Variants in CAPRIN1 observed in about 807,000 individuals in gnomAD.
CAPRIN1 encodes the protein caprin-1.
CAPRIN1 carries 29 observed loss-of-function variants against 100.9 expected under a neutral mutation model. That is an observed-to-expected ratio of 0.29 (90% confidence interval 0.21 to 0.39). The LOEUF (loss-of-function observed/expected upper bound fraction) is 0.39, where lower values mean the gene tolerates loss of function less well. Among genes scored for constraint, CAPRIN1 ranks in the 10% least tolerant of loss-of-function variants. The probability of loss-of-function intolerance (pLI) is 1.00; values close to 1 mark genes in which losing one functional copy is unlikely to be tolerated. For synonymous variants in CAPRIN1, 338 were observed against 307.5 expected, an observed-to-expected ratio of 1.10 and a Z score of -1.04; for missense variants, 795 against 876.7, an observed-to-expected ratio of 0.91 and a Z score of 1.18.
At chr11:34,084,990 C>G (rs942225912) in intron 9 of CAPRIN1, among the ~76,000 whole-genome samples, 2 of 151,726 alleles carry the variant, frequency 1.3e-5, no homozygotes, top group South Asian at 4.2e-4. Context: ...CATGAGATTC[C>G]ACGAATTTTT....
intron 2 of CAPRIN1, among the ~76,000 whole-genome samples, chr11:34,064,168 T>TA (rs1467642645): frequency 6.6e-6 from 1 of 152,248 alleles, no homozygotes; most frequent in Non-Finnish European, 1.5e-5. Flanking sequence ...AATTTATTGT[T>TA]ACCTCTTCTG....
At chr11:34,062,966 C>G (rs977296981) in intron 2 of CAPRIN1, 26 of 152,216 alleles carry the variant, frequency 1.7e-4, no homozygotes, top group African/African-American at 6.0e-4. Flanking sequence ...TTTATCATCT[C>G]TCTTTGCTAT....
intron 2 of CAPRIN1, among the ~76,000 whole-genome samples, chr11:34,065,642 C>T (rs996660184): frequency 6.6e-6 from 1 of 152,210 alleles, no homozygotes; most frequent in Non-Finnish European, 1.5e-5. Flanking sequence ...AAGTCCTTCC[C>T]AGCTCAGATT....
At chr11:34,053,775 T>C (rs544384614) in intron 2 of CAPRIN1, 1 of 152,344 alleles carries the variant, frequency 6.6e-6, no homozygotes, top group East Asian at 1.9e-4. Flanking sequence ...AGAAAAGGTC[T>C]GGGCAGAGTG....
rs190640124 is a variant in CAPRIN1, at chr11:34,065,000, C to T, written c.217-6726C>T. Among the ~76,000 whole-genome samples the T allele has an allele frequency of 5.1e-3, 735 of 145,294 alleles. 20 individuals are homozygous for T. Among genetic ancestry groups the T allele is most frequent in the East Asian group, 0.022 (112 of 4,982 alleles). Reference sequence around the variant, plus strand: ...TTTGAGATGGAGTCTCGCTCTGTTGCCCAGGCTGGAGTGCAGGGGCGCTAT... The same window carrying T: ...TTTGAGATGGAGTCTCGCTCTGTTGTCCAGGCTGGAGTGCAGGGGCGCTAT... On this transcript the variant is annotated intron_variant, in intron 2 of 18. Coordinates refer to ENST00000341394, the MANE Select transcript of CAPRIN1 (RefSeq NM_005898.5).
chr11:34,098,460 A>G (rs1053458421), intron 18 of CAPRIN1: 2 of 985,326 alleles, frequency 2.0e-6, no homozygotes, highest in Non-Finnish European at 2.4e-6. Flanking sequence ...CTAGCATTTC[A>G]TGTAGTCTGA....
intron 4 of CAPRIN1, among the ~76,000 whole-genome samples, chr11:34,072,705 AT>A (rs1850826504): frequency 6.6e-6 from 1 of 152,212 alleles, no homozygotes; most frequent in Non-Finnish European, 1.5e-5. Flanking sequence ...AAGTCAGATA[AT>A]TTGTTGAGGC....
chr11:34,079,753 G>C lies in CAPRIN1; in HGVS notation c.814G>C (p.Val272Leu), dbSNP rs1850975283. ...CTCAGCACCTGCAGTTGAAGACCAG[G>C]TACCTGAAGCTGGTGAGTATTAGGT... is the stretch of plus-strand genomic sequence containing the variant. ...AASAPAVEDQ[V>L]PEAEPEPAEE... Residue 272 changes from valine to leucine, a missense_variant, in exon 7 of 19, where the codon GTA (valine) becomes CTA (leucine). Val to Leu is a conservative substitution (Grantham distance 32). Around this residue, in one of 3 missense-constraint regions of CAPRIN1, gnomAD observed 648 missense variants for 697.9 expected, o/e 0.93. Coordinates refer to ENST00000341394, the MANE Select transcript of CAPRIN1 (RefSeq NM_005898.5). 6.2e-7 allele frequency: 1 copy of C among 1,613,952 alleles called. No homozygotes were observed. Among genetic ancestry groups the C allele is most frequent in the Non-Finnish European group, 8.5e-7 (1 of 1,179,942 alleles).
chr11:34,075,830 T>C (rs1850896241), intron 4 of CAPRIN1, among the ~76,000 whole-genome samples: 1 of 152,246 alleles, frequency 6.6e-6, no homozygotes, highest in South Asian at 2.1e-4. Flanking sequence ...AAACTTCAGA[T>C]ATATATACCT....
chr11:34,076,547 T>G lies in CAPRIN1; in HGVS notation c.606-13T>G, dbSNP rs1339100644. 1 of 1,611,024 alleles carries G rather than the reference T, an allele frequency of 6.2e-7. No homozygotes were observed. The highest frequency in any genetic ancestry group is 1.3e-5 in the African/African-American group (1 of 74,860). On this transcript the variant is annotated splice_polypyrimidine_tract_variant and intron_variant, in intron 5 of 18. Transcript: ENST00000341394. ...AACTGAAAGGTTATTAATTAGCTAT[T>G]TACTATTAAAAGGTTGAATGAACAG...
intron 2 of CAPRIN1, chr11:34,056,359 C>T (rs922161743): frequency 6.6e-6 from 1 of 151,892 alleles, no homozygotes; most frequent in South Asian, 2.1e-4. Flanking sequence ...TGTTTATTTC[C>T]TAATAATTTG....
intron 2 of CAPRIN1, among the ~76,000 whole-genome samples, chr11:34,055,053 T>C (rs1052506215): frequency 6.6e-6 from 1 of 152,212 alleles, no homozygotes; most frequent in African/African-American, 2.4e-5. Context: ...ATCTAGTTTA[T>C]AAGCCCCTCC....
chr11:34,091,124 A>G (rs1851254947), intron 14 of CAPRIN1, among the ~76,000 whole-genome samples: 1 of 152,218 alleles, frequency 6.6e-6, no homozygotes, highest in African/African-American at 2.4e-5. Context: ...TAATAATACT[A>G]TAATCTGTGG....
chr11:34,070,627 C>G (rs1329303982), intron 2 of CAPRIN1, among the ~76,000 whole-genome samples: 1 of 152,102 alleles, frequency 6.6e-6, no homozygotes, highest in Non-Finnish European at 1.5e-5. Context: ...ATCTCCTGAC[C>G]TCAAATGATC....
At position 34,096,504 on chromosome 11, in the gene CAPRIN1, A is replaced by T. The variant is rs763520146; in HGVS notation, c.1731A>T (p.Pro577=). 2.1e-5 allele frequency: 34 copies of T among 1,613,824 alleles called. No homozygotes were observed. Among genetic ancestry groups the T allele is most frequent in the Admixed American group, 6.7e-5 (4 of 59,992 alleles). The change falls in exon 16 of 19, where the codon CCA becomes CCT. Residue 577 remains proline, a synonymous_variant. Coordinates refer to ENST00000341394, the MANE Select transcript of CAPRIN1 (RefSeq NM_005898.5). The part of the protein sequence containing the change: ...QTVVGTYHGS[P]DQSHQVTGNH... Reference sequence around the variant, plus strand: ...TGGTTGGCACTTACCATGGTTCCCCAGACCAGTCCCATCAAGTGACTGGTA... The same window carrying T: ...TGGTTGGCACTTACCATGGTTCCCCTGACCAGTCCCATCAAGTGACTGGTA...
At chr11:34,098,903 T>C in intron 18 of CAPRIN1, 2 of 1,007,314 alleles carry the variant, frequency 2.0e-6, no homozygotes, top group Non-Finnish European at 2.4e-6. Flanking sequence ...TAGTATGATG[T>C]TACTTACTAC....
Position 34,100,989 on chromosome 11 carries a change from C to CT in CAPRIN1, c.*1623dup, listed in dbSNP as rs1851445953. On this transcript the variant is annotated 3_prime_UTR_variant, in exon 19 of 19. Transcript: ENST00000341394. ...GGTGCTCAGCTATTTAAAAACAAAA[C>CT]TATTCTCAAACATTCATCATTAGAC... is the stretch of plus-strand genomic sequence containing the variant. The CT allele has an allele frequency of 6.6e-6, 1 of 152,630 alleles. No homozygotes were observed. The highest frequency in any genetic ancestry group is 1.5e-5 in the Non-Finnish European group (1 of 68,020). 9.5% of individuals were successfully genotyped at this position (152,630 alleles called of 1,614,324 possible).
Position 34,076,385 on chromosome 11 carries a change from G to T in CAPRIN1, c.516G>T (p.Leu172Phe), listed in dbSNP as rs1326611872. The change falls in exon 5 of 19, where the codon TTG (leucine) becomes TTT (phenylalanine). Residue 172 changes from leucine to phenylalanine, a missense_variant. By Grantham distance (22) the Leu-to-Phe change is conservative. Coordinates refer to ENST00000341394, the MANE Select transcript of CAPRIN1 (RefSeq NM_005898.5). ...TGCGGACTGACCTGAAACAAGGTTT[G>T]AATGGAGTGCCAATATTGTCCGAAG... is the stretch of plus-strand genomic sequence containing the variant. ...DEVRTDLKQG[L>F]NGVPILSEEE... 4 of 1,614,194 alleles carry T rather than the reference G, an allele frequency of 2.5e-6. No homozygotes were observed. In the South Asian group the frequency reaches 4.4e-5, roughly 18 times the overall value.
chr11:34,088,884 A>G (rs1034044461), intron 11 of CAPRIN1, among the ~76,000 whole-genome samples: 1 of 152,178 alleles, frequency 6.6e-6, no homozygotes, highest in African/African-American at 2.4e-5. Flanking sequence ...CGGTAAACCA[A>G]AATGCTCACT....
Sources: gnomAD v4.1 joint callset for allele counts (sites outside exome capture counted in the v4.1 genomes callset) on GRCh38, gnomAD v4.1.1 for gene constraint, gnomAD v4.1.1 regional missense constraint, MANE v1.5 for transcripts, NCBI Gene and HGNC (gene_info 2026-07-23, HGNC 2026-07-21) for gene names.